SRGAP3: variants seen among roughly 807,000 people sequenced by gnomAD.
The protein encoded by SRGAP3 is SLIT-ROBO Rho GTPase-activating protein 3.
In SRGAP3, 39 loss-of-function variants were observed where a neutral mutation model predicts 121.1. The ratio of observed to expected loss-of-function variants is 0.32; its 90% CI spans 0.25 to 0.42. The LOEUF (loss-of-function observed/expected upper bound fraction) is 0.42, where lower values mean the gene tolerates loss of function less well. SRGAP3 is among the 10% of genes least tolerant of loss of function. SRGAP3 has a pLI of 1.00. For missense variants in SRGAP3, 1,213 were observed against 1,470.6 expected (o/e 0.82, Z 2.86); for synonymous variants, 601 against 570.0 (o/e 1.05, Z -0.77).
intron 4 of SRGAP3, among the ~76,000 whole-genome samples, chr3:9,066,473 C>T (rs759011137): frequency 2.0e-4 from 31 of 152,240 alleles, no homozygotes; most frequent in Non-Finnish European, 3.7e-4. Context: ...CTGTGAAGTG[C>T]GTTTATTAGA....
In SRGAP3 at chr3:9,104,812, G is replaced by A. The variant is rs750808632; in HGVS notation, c.291C>T (p.Asn97=). The A allele has an allele frequency of 1.2e-6, 2 of 1,614,124 alleles. No individual in the cohort carries two copies. The highest frequency in any genetic ancestry group is 2.7e-5 in the African/African-American group (2 of 74,944). Residue 97 remains asparagine, a synonymous_variant, in exon 3 of 22, where the codon AAC becomes AAT. Coordinates refer to ENST00000383836, the MANE Select transcript of SRGAP3 (RefSeq NM_014850.4). ...TCTGATGCAGAACCAGATACCAACA[G>A]TTCACAGGCGAGAGGAGGTACTGGT... ...KKDQYLLSPV[N]CWYLVLHQTR...
intron 3 of SRGAP3, 83 bp downstream of exon 3, chr3:9,104,597 C>T: frequency 1.9e-6 from 3 of 1,580,252 alleles, no homozygotes; most frequent in Non-Finnish European, 2.6e-6. Context: ...CTCCAAACCA[C>T]ATCCCACCCT....
At chr3:9,191,771 A>G (rs73019392) in intron 1 of SRGAP3, among the ~76,000 whole-genome samples, 7,364 of 152,276 alleles carry the variant, frequency 0.048, 212 homozygotes, top group African/African-American at 0.056. Flanking sequence ...GTAAGAGGTG[A>G]CTGGATCATG....
At chr3:9,114,798 C>T (rs1210876301) in intron 2 of SRGAP3, among the ~76,000 whole-genome samples, 1 of 152,158 alleles carries the variant, frequency 6.6e-6, no homozygotes, top group Non-Finnish European at 1.5e-5. Flanking sequence ...AGACCCCGAT[C>T]CATGGCTTCC....
At chr3:9,029,406 G>GA (rs1944369462) in intron 12 of SRGAP3, among the ~76,000 whole-genome samples, 1 of 152,050 alleles carries the variant, frequency 6.6e-6, no homozygotes. Flanking sequence ...AGAGGAGGAG[G>GA]AAAAAACATC....
intron 4 of SRGAP3, among the ~76,000 whole-genome samples, chr3:9,079,067 T>G (rs114628360): frequency 7.4e-4 from 113 of 152,202 alleles, no homozygotes; most frequent in Admixed American, 2.2e-3. Context: ...CACAGAAAGA[T>G]AATAAAACCA....
intron 3 of SRGAP3, among the ~76,000 whole-genome samples, chr3:9,102,306 A>G (rs1024359801): frequency 6.6e-6 from 1 of 152,212 alleles, no homozygotes; most frequent in African/African-American, 2.4e-5. Context: ...GACAAAACTG[A>G]GACTCAGAGA....
intron 20 of SRGAP3, among the ~76,000 whole-genome samples, chr3:8,991,345 C>T (rs1458034386): frequency 2.6e-5 from 4 of 152,166 alleles, no homozygotes; most frequent in Non-Finnish European, 5.9e-5. Flanking sequence ...CCACCCAACC[C>T]CCAATCTCCC....
At chr3:9,256,316 GAAGTA>G (rs963719781) in intron 3 of SRGAP3, among the ~76,000 whole-genome samples, 74 of 152,328 alleles carry the variant, frequency 4.9e-4, no homozygotes, top group African/African-American at 1.6e-3. Context: ...TGGAAGAACA[GAAGTA>G]AAGACTTCAA....
Position 8,984,145 on chromosome 3 carries a change from A to G in SRGAP3, c.*1374T>C, listed in dbSNP as rs1941560892. 4.3e-6 allele frequency: 1 copy of G among 231,116 alleles called. No individual in the cohort carries two copies. Among genetic ancestry groups the G allele is most frequent in the Non-Finnish European group, 8.6e-6 (1 of 116,864 alleles). 14.3% of individuals were successfully genotyped at this position (231,116 alleles called of 1,614,324 possible). A position where few individuals can be genotyped will look rare whatever the true frequency, so the allele number is the denominator to read the frequency against. ...TGAAGATCATGCACCCATTTCTATCACCACATTTTCATCTACACTAAATGT... is the reference window on the plus strand; with the variant it reads ...TGAAGATCATGCACCCATTTCTATCGCCACATTTTCATCTACACTAAATGT... On this transcript the variant is annotated 3_prime_UTR_variant, in exon 22 of 22. Transcript: ENST00000383836.
At chr3:9,009,537 G>T (rs975066454) in intron 18 of SRGAP3, among the ~76,000 whole-genome samples, 1 of 152,080 alleles carries the variant, frequency 6.6e-6, no homozygotes, top group Admixed American at 6.5e-5. Context: ...GATTTTAAAA[G>T]AAATTAAAAC....
intron 1 of SRGAP3, among the ~76,000 whole-genome samples, chr3:9,152,940 T>C (rs2675182): frequency 0.76 from 115,229 of 152,074 alleles, 43,793 homozygotes; most frequent in African/African-American, 0.81. Context: ...ATTAGGACTA[T>C]ATCAGAGCTC....
chr3:9,164,686 T>C lies in SRGAP3; in HGVS notation c.68-39769A>G, dbSNP rs930108463. Among the ~76,000 whole-genome samples the C allele has an allele frequency of 3.3e-5, 5 of 152,274 alleles. No individual in the cohort carries two copies. The South Asian group carries it at 1.0e-3, about 32-fold the overall frequency. On this transcript the variant is annotated intron_variant, in intron 1 of 21. Coordinates refer to ENST00000383836, the MANE Select transcript of SRGAP3 (RefSeq NM_014850.4). ...GGCATCTGATATCACATGCTAAGCA[T>C]CTCCTTGCTGGTTGAACACATATCA... is the stretch of plus-strand genomic sequence containing the variant.
chr3:9,023,593 A>C (rs1315424596), intron 14 of SRGAP3, among the ~76,000 whole-genome samples: 4 of 151,968 alleles, frequency 2.6e-5, no homozygotes, highest in Admixed American at 6.6e-5. Context: ...CCCAATGCCT[A>C]CTCTATCATT....
At chr3:9,298,177 A>AAT (rs937708332) in intron 3 of SRGAP3, among the ~76,000 whole-genome samples, 10 of 152,210 alleles carry the variant, frequency 6.6e-5, no homozygotes, top group Non-Finnish European at 1.3e-4. Context: ...ATAAAATAGG[A>AAT]ATATATATAT....
chr3:9,058,818 C>G (rs898819075), intron 6 of SRGAP3: 13 of 277,648 alleles, frequency 4.7e-5, no homozygotes, highest in African/African-American at 2.8e-4. Context: ...CTCCCGGGTT[C>G]AATCGATTCT....
chr3:9,092,577 G>A (rs1399164723), intron 3 of SRGAP3, among the ~76,000 whole-genome samples: 1 of 152,146 alleles, frequency 6.6e-6, no homozygotes, highest in African/African-American at 2.4e-5. Context: ...AGGCCATAGA[G>A]CTAGTGAATG....
intron 4 of SRGAP3, among the ~76,000 whole-genome samples, chr3:9,066,637 T>C (rs1946447027): frequency 6.6e-6 from 1 of 152,086 alleles, no homozygotes; most frequent in African/African-American, 2.4e-5. Flanking sequence ...GTAGCTGAGA[T>C]TACAGGCACC....
intron 1 of SRGAP3, among the ~76,000 whole-genome samples, chr3:9,180,386 G>A (rs1247798139): frequency 6.6e-6 from 1 of 152,214 alleles, no homozygotes; most frequent in Non-Finnish European, 1.5e-5. Flanking sequence ...GAGGCTAGGA[G>A]GAAGTTATTC....
Sources: gnomAD v4.1 joint callset for allele counts (sites outside exome capture counted in the v4.1 genomes callset) on GRCh38, gnomAD v4.1.1 for gene constraint, MANE v1.5 for transcripts, NCBI Gene and HGNC (gene_info 2026-07-23, HGNC 2026-07-21) for gene names.